Variants in CALN1 observed in about 807,000 individuals in gnomAD.
CALN1 encodes the protein calcium-binding protein 8.
A neutral mutation model predicts 30.6 loss-of-function variants in CALN1; 17 were observed. That is an observed-to-expected ratio of 0.56 (90% CI 0.38 to 0.83). CALN1 has a LOEUF of 0.83. Among genes scored for constraint, CALN1 ranks in the 40% least tolerant of loss-of-function variants. The probability of loss-of-function intolerance (pLI) is 0.00; values close to 1 mark genes in which losing one functional copy is unlikely to be tolerated. For synonymous variants in CALN1, 156 were observed against 131.4 expected, an observed-to-expected ratio of 1.19 and a Z score of -1.28; for missense variants, 291 against 354.9, an observed-to-expected ratio of 0.82 and a Z score of 1.45.
the CALN1 span, among the ~76,000 whole-genome samples, chr7:72,464,759 T>A: frequency 6.6e-6 from 1 of 152,226 alleles, no homozygotes; most frequent in African/African-American, 2.4e-5. Context: ...CTGGCACTGA[T>A]AAGTTGGCTA....
chr7:72,307,019 A>G lies in CALN1; in HGVS notation c.120-28209T>C, dbSNP rs1799703178. 2.0e-5 allele frequency among the ~76,000 whole-genome samples: 3 copies of G among 152,358 alleles called. No individual in the cohort carries two copies. The South Asian group carries it at 6.2e-4, about 32-fold the overall frequency. On this transcript the variant is annotated intron_variant, in intron 2 of 6. Transcript: ENST00000395275. ...GGTTGGGGGACACAGTTCAGTCCAC[A>G]GCACTAACTAGGTCGACAGCAAATA... is the stretch of plus-strand genomic sequence containing the variant.
At chr7:71,846,894 TATATATA>T (rs1353220880) in intron 5 of CALN1, among the ~76,000 whole-genome samples, 1 of 146,856 alleles carries the variant, frequency 6.8e-6, no homozygotes, top group African/African-American at 2.5e-5. Context: ...CACATATATG[TATATATA>T]ATATATACAT....
At chr7:72,204,474 G>A (rs867499824) in intron 3 of CALN1, among the ~76,000 whole-genome samples, 4 of 152,120 alleles carry the variant, frequency 2.6e-5, no homozygotes, top group Non-Finnish European at 5.9e-5. Context: ...CAACCAACCC[G>A]ATCATTGAAT....
chr7:72,100,845 T>C (rs1422410601), intron 4 of CALN1, among the ~76,000 whole-genome samples: 1 of 127,740 alleles, frequency 7.8e-6, no homozygotes, highest in East Asian at 2.8e-4. Context: ...AAAAAAAGAA[T>C]AACTTCTGGA....
intron 5 of CALN1, among the ~76,000 whole-genome samples, chr7:71,872,047 ATTTAGT>A (rs548823052): frequency 7.5e-4 from 115 of 152,330 alleles, no homozygotes; most frequent in Admixed American, 1.6e-3. Flanking sequence ...TTTTAATGTT[ATTTAGT>A]TTTAATGAAT....
intron 1 of CALN1, among the ~76,000 whole-genome samples, chr7:72,421,573 CTTT>C (rs772198450): frequency 8.5e-5 from 5 of 58,614 alleles, no homozygotes; most frequent in Non-Finnish European, 1.2e-4. Flanking sequence ...TTTTATCCTA[CTTT>C]TTTTTTTTTT....
At chr7:72,391,738 C>T (rs1341013010) in intron 2 of CALN1, among the ~76,000 whole-genome samples, 1 of 151,972 alleles carries the variant, frequency 6.6e-6, no homozygotes, top group Admixed American at 6.6e-5. Flanking sequence ...TTTGTTTTTG[C>T]CTGCCACCAT....
At chr7:71,885,700 G>A (rs13224623) in intron 5 of CALN1, among the ~76,000 whole-genome samples, 19,139 of 152,236 alleles carry the variant, frequency 0.13, 1,781 homozygotes, top group East Asian at 0.43. Context: ...AATTGCTGAG[G>A]TTAGCACATA....
At chr7:71,960,282 G>A (rs977388809) in intron 5 of CALN1, among the ~76,000 whole-genome samples, 30 of 152,276 alleles carry the variant, frequency 2.0e-4, no homozygotes, top group South Asian at 1.7e-3. Flanking sequence ...TCTGGACAGT[G>A]TACACTGTAC....
intron 2 of CALN1, among the ~76,000 whole-genome samples, chr7:72,350,545 G>C (rs942880041): frequency 6.6e-6 from 1 of 152,106 alleles, no homozygotes; most frequent in East Asian, 1.9e-4. Context: ...ACCAAATACT[G>C]CATGTTTTCA....
At chr7:71,800,403 A>G (rs572880492) in intron 6 of CALN1, among the ~76,000 whole-genome samples, 96 of 152,146 alleles carry the variant, frequency 6.3e-4, no homozygotes, top group Non-Finnish European at 1.2e-3. Context: ...TGTCCCTCAT[A>G]TGGAAGCGCT....
chr7:72,409,528 T>C (rs1806964683), intron 1 of CALN1, among the ~76,000 whole-genome samples: 1 of 147,368 alleles, frequency 6.8e-6, no homozygotes, highest in Non-Finnish European at 1.5e-5. Context: ...TTTCAGCGTC[T>C]GTGGCCTTCA....
chr7:71,812,735 A>T lies in CALN1; in HGVS notation c.502-2243T>A, dbSNP rs185271643. ...TATCCACACATTTCTCAAAGCCCCC[A>T]TTTCTATTTCTAGTTCTATTTTTTT... On this transcript the variant is annotated intron_variant, in intron 5 of 6. Transcript: ENST00000395275. Among the ~76,000 whole-genome samples the T allele has an allele frequency of 3.7e-3, 553 of 151,218 alleles. 4 individuals are homozygous for T. The highest frequency in any genetic ancestry group is 0.012 in the African/African-American group (514 of 41,222).
At chr7:71,852,471 TAAAA>T (rs35252557) in intron 5 of CALN1, among the ~76,000 whole-genome samples, 3 of 118,632 alleles carry the variant, frequency 2.5e-5, no homozygotes, top group Non-Finnish European at 3.5e-5. Flanking sequence ...ACCCTGTCTC[TAAAA>T]AAAAAAAAAA....
In CALN1 at chr7:71,785,817, A is replaced by T. The variant is rs932371020; in HGVS notation, c.*1958T>A. ...TGAGTCAGCCAACAGGAGCAGCAGA[A>T]GGGGCAGGCATGCAGTGTGCAGGCA... On this transcript the variant is annotated 3_prime_UTR_variant, in exon 7 of 7. Coordinates refer to ENST00000395275, the MANE Select transcript of CALN1 (RefSeq NM_031468.4). The T allele has an allele frequency of 6.5e-6, 1 of 153,294 alleles. No homozygotes were observed. Among genetic ancestry groups the T allele is most frequent in the African/African-American group, 2.4e-5 (1 of 41,466 alleles). The allele number at this position is 153,294 out of a possible 1,614,324, so 9.5% of individuals were successfully genotyped here.
intron 3 of CALN1, among the ~76,000 whole-genome samples, chr7:72,120,484 A>T (rs1808301548): frequency 6.6e-6 from 1 of 152,168 alleles, no homozygotes; most frequent in Non-Finnish European, 1.5e-5. Context: ...AATTTTACAT[A>T]ATGTTGCAAT....
At chr7:72,337,903 G>A (rs1293434512) in intron 2 of CALN1, among the ~76,000 whole-genome samples, 1 of 152,214 alleles carries the variant, frequency 6.6e-6, no homozygotes, top group Non-Finnish European at 1.5e-5. Flanking sequence ...CAAATTCGCA[G>A]ACTGTCTGCA....
chr7:71,850,164 C>G (rs186554373), intron 5 of CALN1, among the ~76,000 whole-genome samples: 1 of 152,284 alleles, frequency 6.6e-6, no homozygotes, highest in Admixed American at 6.5e-5. Context: ...TACATGGAAT[C>G]TATGCCATAT....
At chr7:72,458,216 A>C in the CALN1 span, among the ~76,000 whole-genome samples, 3 of 89,862 alleles carry the variant, frequency 3.3e-5, no homozygotes, top group African/African-American at 1.3e-4. Context: ...ATATTTTATA[A>C]TATATTATAT....
Sources: allele counts gnomAD v4.1 joint callset (sites outside exome capture counted in the v4.1 genomes callset), GRCh38; gene constraint gnomAD v4.1.1; transcripts MANE v1.5; gene names NCBI Gene and HGNC (gene_info 2026-07-23, HGNC 2026-07-21).